The following IL6ST variants were observed in gnomAD, a reference collection of about 807,000 sequenced individuals.
IL6ST encodes interleukin 6 cytokine family signal transducer.
In IL6ST, 24 loss-of-function variants were observed where a neutral mutation model predicts 91.3. The observed-to-expected ratio is 0.26, with a 90% CI of 0.19 to 0.37. The LOEUF (loss-of-function observed/expected upper bound fraction) is 0.37, where lower values mean the gene tolerates loss of function less well. IL6ST is among the 10% of genes least tolerant of loss of function. IL6ST has a pLI of 1.00. For synonymous variants in IL6ST, 351 were observed against 373.6 expected (o/e 0.94, Z 0.70); for missense variants, 914 against 1,078.5 (o/e 0.85, Z 2.14).
Position 55,935,805 on chromosome 5 carries a change from A to C in IL6ST, c.*5277T>G, listed in dbSNP as rs1011718569. 1 of 217,414 alleles carries C rather than the reference A, an allele frequency of 4.6e-6. No individual in the cohort carries two copies. Among genetic ancestry groups the C allele is most frequent in the African/African-American group, 2.2e-5 (1 of 44,472 alleles). The allele number at this position is 217,414 out of a possible 1,614,324, so 13.5% of individuals were successfully genotyped here. A position where few individuals can be genotyped will look rare whatever the true frequency, so the allele number is the denominator to read the frequency against. ...AAAGTTAAGCAATCCTGAACAAGAA[A>C]ACTCTCTCACTGCCTTTGGGCTAGA... On this transcript the variant is annotated 3_prime_UTR_variant, in exon 17 of 17. Transcript: ENST00000381298.
chr5:55,988,131 C>CAA (rs397955074), intron 1 of IL6ST, among the ~76,000 whole-genome samples: 109 of 64,468 alleles, frequency 1.7e-3, no homozygotes, highest in Middle Eastern at 0.01. Context: ...GCTCTGCCTC[C>CAA]AAAAAAAAAA....
At position 55,941,731 on chromosome 5, in the gene IL6ST, G is replaced by C. The variant is rs756822129; in HGVS notation, c.2108C>G (p.Pro703Arg). The change falls in exon 17 of 17, where the codon CCT (proline) becomes CGT (arginine). Residue 703 changes from proline to arginine, a missense_variant. Transcript: ENST00000381298. ...CAATGATTTCAGATCTTCTGGAAAA[G>C]GCTTTTTGTCATTTGCTTCTATTTC... ...VVEIEANDKK[P>R]FPEDLKSLDL... is the part of the protein sequence containing the mutation. 3 of 1,613,844 alleles carry C rather than the reference G, an allele frequency of 1.9e-6. No individual in the cohort carries two copies. The African/African-American group carries it at 4.0e-5, about 22-fold the overall frequency.
At chr5:55,967,454 A>C (rs11742271) in intron 5 of IL6ST, among the ~76,000 whole-genome samples, 9 of 152,086 alleles carry the variant, frequency 5.9e-5, no homozygotes, top group South Asian at 2.1e-4. Context: ...ATAAATTCAC[A>C]AAGTATGGAG....
rs1278019158 is a variant in IL6ST at position 55,935,861 on chromosome 5, T to C, written c.*5221A>G. 1 of 218,096 alleles carries C rather than the reference T, an allele frequency of 4.6e-6. No individual in the cohort carries two copies. The highest frequency in any genetic ancestry group is 2.2e-5 in the African/African-American group (1 of 44,534). The allele number at this position is 218,096 out of a possible 1,614,324, so 13.5% of individuals were successfully genotyped here. A position where few individuals can be genotyped will look rare whatever the true frequency, so the allele number is the denominator to read the frequency against. On this transcript the variant is annotated 3_prime_UTR_variant, in exon 17 of 17. Transcript: ENST00000381298. ...AGTATGCTCTCAAGGAGTTACATAATCTTTTCCAAAGCAGGATGGACTGTA... is the reference window on the plus strand; with the variant it reads ...AGTATGCTCTCAAGGAGTTACATAACCTTTTCCAAAGCAGGATGGACTGTA...
At chr5:55,986,507 T>C (rs910083012) in intron 1 of IL6ST, among the ~76,000 whole-genome samples, 1 of 152,236 alleles carries the variant, frequency 6.6e-6, no homozygotes, top group African/African-American at 2.4e-5. Context: ...CATGTGGTTG[T>C]ATCCAATCTG....
At chr5:55,965,742 G>A (rs1245011766) in intron 5 of IL6ST, among the ~76,000 whole-genome samples, 4 of 149,286 alleles carry the variant, frequency 2.7e-5, no homozygotes, top group Non-Finnish European at 5.9e-5. Context: ...TATAATCCCA[G>A]CCACTCGGGA....
At chr5:55,983,549 TACA>T (rs1296281559) in intron 1 of IL6ST, among the ~76,000 whole-genome samples, 4 of 152,240 alleles carry the variant, frequency 2.6e-5, no homozygotes, top group Admixed American at 6.5e-5. Context: ...CTCTTTGAAA[TACA>T]ACAAGTAACT....
rs150561363 is a variant in IL6ST at position 55,969,639 on chromosome 5, A to G, written c.281T>C (p.Ile94Thr). The change falls in exon 4 of 17, where the codon ATA (isoleucine) becomes ACA (threonine). Residue 94 changes from isoleucine (I) to threonine (T), a missense_variant. Coordinates refer to ENST00000381298, the MANE Select transcript of IL6ST (RefSeq NM_002184.4). ...RTASSVTFTD[I>T]ASLNIQLTCN... is the part of the protein sequence containing the mutation. ...AGTGAGCTGAATATTTAATGAAGCT[A>G]TATCTGTAAAGGTGACACTGGATGC... 7.0e-5 allele frequency: 113 copies of G among 1,611,354 alleles called. No homozygotes were observed. Among genetic ancestry groups the G allele is most frequent in the East Asian group, 4.5e-4 (20 of 44,822 alleles).
rs184739474 is a variant in IL6ST, at chr5:55,971,006, T to C, written c.65-1151A>G. ...TGCTTTACCTATCACCTACTCCACA[T>C]TGATGACATCTCAATCCCTATCTCT... On this transcript the variant is annotated intron_variant, in intron 3 of 16. Transcript: ENST00000381298. Among the ~76,000 whole-genome samples, 5 of 152,316 alleles carry C rather than the reference T, an allele frequency of 3.3e-5. No homozygotes were observed. In the East Asian group the frequency reaches 5.8e-4, roughly 18 times the overall value.
At chr5:55,983,080 G>C (rs1219681246) in intron 1 of IL6ST, among the ~76,000 whole-genome samples, 2 of 150,816 alleles carry the variant, frequency 1.3e-5, no homozygotes, top group South Asian at 2.1e-4. Context: ...GCTCACTGCA[G>C]CTTGAACTTC....
At chr5:55,951,183 G>C (rs774064138) in intron 14 of IL6ST, among the ~76,000 whole-genome samples, 1 of 151,802 alleles carries the variant, frequency 6.6e-6, no homozygotes, top group Non-Finnish European at 1.5e-5. Context: ...GAGAAGGAAA[G>C]AACACACCCA....
intron 4 of IL6ST, 53 bp from the exon 5 acceptor site, chr5:55,968,449 T>C: frequency 6.4e-7 from 1 of 1,553,414 alleles, no homozygotes; most frequent in Non-Finnish European, 8.8e-7. Flanking sequence ...ACAAATATTA[T>C]GCAATTTATA....
rs750944841 is a variant in IL6ST at position 55,941,525 on chromosome 5, G to C, written c.2314C>G (p.Pro772Ala). The change falls in exon 17 of 17, where the codon CCG becomes GCG. Residue 772 changes from proline (P) to alanine (A), a missense_variant. Physicochemically the swap from Pro to Ala is conservative, Grantham distance 27 (BLOSUM62 -1). Coordinates refer to ENST00000381298, the MANE Select transcript of IL6ST (RefSeq NM_002184.4). ...GATCTTGAGAAGACTTGGACTGACG[G>C]AACTTGGTGTCTGTAGCCACTGTGT... ...VVHSGYRHQV[P>A]SVQVFSRSES... 1.2e-6 allele frequency: 2 copies of C among 1,614,180 alleles called. No individual in the cohort carries two copies. Among genetic ancestry groups the C allele is most frequent in the South Asian group, 2.2e-5 (2 of 91,080 alleles).
At chr5:55,942,563 C>T in intron 16 of IL6ST, 107 bp downstream of exon 16, 1 of 542,240 alleles carries the variant, frequency 1.8e-6, no homozygotes, top group Non-Finnish European at 3.3e-6. Context: ...AATATCTTAT[C>T]TTTTGGTACA....
At chr5:55,976,013 G>C (rs1753268227) in intron 3 of IL6ST, among the ~76,000 whole-genome samples, 1 of 151,500 alleles carries the variant, frequency 6.6e-6, no homozygotes, top group South Asian at 2.1e-4. Flanking sequence ...TAGCATGTAA[G>C]ATGACTGTTA....
chr5:55,949,006 G>A (rs1419146956), intron 14 of IL6ST: 1 of 151,690 alleles, frequency 6.6e-6, no homozygotes, highest in Admixed American at 6.6e-5. Context: ...ATTGAAAAAA[G>A]GTAGGTTATA....
intron 8 of IL6ST, 101 bp downstream of exon 8, chr5:55,960,301 G>T: frequency 1.1e-6 from 1 of 899,132 alleles, no homozygotes; most frequent in Non-Finnish European, 1.7e-6. Flanking sequence ...TGAATAAAAT[G>T]ATCACAAACT....
chr5:55,955,328 G>A (rs11574773), intron 10 of IL6ST, among the ~76,000 whole-genome samples: 31,649 of 152,098 alleles, frequency 0.21, 4,002 homozygotes, highest in Non-Finnish European at 0.28. Flanking sequence ...ATTGTGGTGC[G>A]TGCCTTTAAT....
chr5:55,983,125 G>A (rs565535522), intron 1 of IL6ST, among the ~76,000 whole-genome samples: 2 of 151,304 alleles, frequency 1.3e-5, no homozygotes, highest in African/African-American at 4.9e-5. Flanking sequence ...TCAGCCTCCC[G>A]AGTAGCTGGG....
Sources: gnomAD v4.1 joint callset for allele counts (sites outside exome capture counted in the v4.1 genomes callset) on GRCh38, gnomAD v4.1.1 for gene constraint, MANE v1.5 for transcripts, NCBI Gene and HGNC (gene_info 2026-07-23, HGNC 2026-07-21) for gene names.